Variants in WDR75 observed in about 807,000 individuals in gnomAD.
The protein encoded by WDR75 is WD repeat-containing protein 75.
WDR75 carries 52 observed loss-of-function variants against 106.1 expected under a neutral mutation model. The observed-to-expected ratio is 0.49, with a 90% confidence interval of 0.39 to 0.62. The LOEUF is 0.62. WDR75 is among the 20% of genes least tolerant of loss of function. WDR75 has a pLI of 0.00. For missense variants in WDR75, 905 were observed against 970.3 expected (o/e 0.93, Z 0.89); for synonymous variants, 333 against 335.5 (o/e 0.99, Z 0.08).
rs781445682 is a variant in WDR75, at chr2:189,467,633, G to A, written c.1613G>A (p.Arg538Gln). The A allele has an allele frequency of 6.3e-6, 10 of 1,597,008 alleles. No individual in the cohort carries two copies. The highest frequency in any genetic ancestry group is 3.4e-5 in the South Asian group (3 of 87,278). Residue 538 changes from arginine (R) to glutamine (Q), a missense_variant, in exon 14 of 21, where the codon CGA (arginine) becomes CAA (glutamine). Physicochemically the swap from Arg to Gln is conservative, Grantham distance 43. Coordinates refer to ENST00000314761, the MANE Select transcript of WDR75 (RefSeq NM_032168.3). ...GAACTTAAATGTACATTTTGCCAAC[G>A]AGCTGGGAAAATAAGGTAGGTAAAT... ...TWELKCTFCQ[R>Q]AGKIRHLCFG... is the part of the protein sequence containing the mutation.
chr2:189,464,928 A>G (rs1686969663), intron 11 of WDR75, 151 bp from the exon 12 acceptor site: 2 of 517,714 alleles, frequency 3.9e-6, no homozygotes, highest in African/African-American at 1.9e-5. Context: ...CATAGTAACA[A>G]TTAGTTCATT....
intron 2 of WDR75, chr2:189,449,942 TAAC>T: frequency 1.0e-6 from 1 of 984,734 alleles, no homozygotes; most frequent in Non-Finnish European, 1.2e-6. Flanking sequence ...TATTTTCCTA[TAAC>T]AACGACAACA....
At chr2:189,449,883 C>T in intron 2 of WDR75, 1 of 984,594 alleles carries the variant, frequency 1.0e-6, no homozygotes, top group Non-Finnish European at 1.2e-6. Flanking sequence ...CCTAAAATTG[C>T]CACTTTCTTT....
At chr2:189,448,248 C>A in intron 1 of WDR75, 131 bp from the exon 2 acceptor site, 2 of 983,164 alleles carry the variant, frequency 2.0e-6, no homozygotes, top group Non-Finnish European at 1.4e-6. Flanking sequence ...TTTTGGGAGG[C>A]CCAGGCAGGC....
Position 189,450,919 on chromosome 2 carries a change from T to C in WDR75, c.233T>C (p.Leu78Pro), listed in dbSNP as rs200268180. Residue 78 changes from leucine (L) to proline (P), a missense_variant, in exon 3 of 21, where the codon CTT becomes CCT. By Grantham distance (98) the Leu-to-Pro change is moderately conservative. Coordinates refer to ENST00000314761, the MANE Select transcript of WDR75 (RefSeq NM_032168.3). ...CCCTTTTAGCTGTATTCTTGTTCCCTTGATGGCACAATTAAACTGTGGGAC... is the reference window on the plus strand; with the variant it reads ...CCCTTTTAGCTGTATTCTTGTTCCCCTGATGGCACAATTAAACTGTGGGAC... Reference protein sequence around the residue: ...NNHLQLYSCSLDGTIKLWDYI... With the variant: ...NNHLQLYSCSPDGTIKLWDYI... The C allele has an allele frequency of 3.7e-6, 6 of 1,611,304 alleles. No homozygotes were observed. Among genetic ancestry groups the C allele is most frequent in the Non-Finnish European group, 5.1e-6 (6 of 1,179,344 alleles).
chr2:189,447,495 T>C (rs1262964920), intron 1 of WDR75, among the ~76,000 whole-genome samples: 2 of 152,154 alleles, frequency 1.3e-5, no homozygotes, highest in Non-Finnish European at 2.9e-5. Flanking sequence ...CAGTGAACCA[T>C]GGAGATGTTG....
chr2:189,465,052 G>A, intron 11 of WDR75, 27 bp from the exon 12 acceptor site: 2 of 1,478,706 alleles, frequency 1.4e-6, no homozygotes, highest in South Asian at 2.5e-5. Context: ...TAAACATTTT[G>A]GTTTTTTGGT....
intron 2 of WDR75, chr2:189,449,605 A>G: frequency 2.9e-6 from 3 of 1,040,912 alleles, no homozygotes; most frequent in Non-Finnish European, 3.5e-6. Flanking sequence ...AAATTAGAGA[A>G]GGGCAGTTTT....
chr2:189,467,049 C>G (rs1390086793), intron 13 of WDR75, among the ~76,000 whole-genome samples: 1 of 152,078 alleles, frequency 6.6e-6, no homozygotes, highest in South Asian at 2.1e-4. Flanking sequence ...TAATGTCCCT[C>G]ATTTAGCAGT....
intron 15 of WDR75, 23 bp from the exon 16 acceptor site, chr2:189,469,321 A>G: frequency 1.2e-5 from 19 of 1,574,648 alleles, no homozygotes; most frequent in Non-Finnish European, 1.7e-5. Context: ...TTAGAAGTGA[A>G]TCACCTTTGT....
intron 8 of WDR75, among the ~76,000 whole-genome samples, chr2:189,461,028 A>G (rs1025456732): frequency 1.3e-5 from 2 of 152,196 alleles, no homozygotes; most frequent in Non-Finnish European, 2.9e-5. Flanking sequence ...TGCACAATGT[A>G]TCATATATGT....
intron 7 of WDR75, 64 bp downstream of exon 7, chr2:189,458,936 CA>C (rs1362890664): frequency 4.0e-6 from 6 of 1,494,942 alleles, no homozygotes; most frequent in Non-Finnish European, 5.3e-6. Context: ...TCCTGTAGAA[CA>C]GGGCTATCTC....
intron 14 of WDR75, 106 bp from the exon 15 acceptor site, chr2:189,468,369 A>G (rs1050627727): frequency 1.7e-5 from 16 of 925,432 alleles, no homozygotes; most frequent in East Asian, 1.3e-4. Context: ...ATATATGTCT[A>G]TATAAAAATC....
At chr2:189,472,167 C>A (rs1288845409) in intron 18 of WDR75, among the ~76,000 whole-genome samples, 7 of 152,044 alleles carry the variant, frequency 4.6e-5, no homozygotes, top group Non-Finnish European at 8.8e-5. Context: ...TCACAGTCCA[C>A]CAGAAGATAG....
At chr2:189,453,988 C>G (rs1397285744) in intron 4 of WDR75, among the ~76,000 whole-genome samples, 1 of 152,028 alleles carries the variant, frequency 6.6e-6, no homozygotes, top group Admixed American at 6.6e-5. Context: ...AATTGAGCAC[C>G]CACCGTGTGC....
At chr2:189,464,007 A>G in intron 11 of WDR75, 46 bp downstream of exon 11, 1 of 1,521,816 alleles carries the variant, frequency 6.6e-7, no homozygotes, top group Non-Finnish European at 9.1e-7. Context: ...AGCTCTTTAC[A>G]GTACCACTGG....
intron 14 of WDR75, among the ~76,000 whole-genome samples, chr2:189,468,174 A>G (rs763345119): frequency 7.2e-5 from 11 of 152,094 alleles, no homozygotes; most frequent in Non-Finnish European, 1.6e-4. Context: ...TTCTTGGTAA[A>G]TAGGATTTTT....
rs151295691 is a variant in WDR75 at position 189,443,028 on chromosome 2, T to G, written c.86+1450T>G. ...TTGATTTGCTAAGCCCAACAATTCA[T>G]TTTTTAAGTACTTGTCAACTATATA... On this transcript the variant is annotated intron_variant, in intron 1 of 20. Transcript: ENST00000314761. Among the ~76,000 whole-genome samples the G allele has an allele frequency of 6.6e-5, 10 of 152,332 alleles. No individual in the cohort carries two copies. In the East Asian group the frequency reaches 1.9e-3, roughly 29 times the overall value.
intron 2 of WDR75, chr2:189,449,914 T>C: frequency 1.0e-6 from 1 of 983,650 alleles, no homozygotes; most frequent in South Asian, 4.7e-5. Flanking sequence ...AAATTCTTTG[T>C]AAACATTATA....
Sources: gnomAD v4.1 joint callset for allele counts (sites outside exome capture counted in the v4.1 genomes callset) on GRCh38, gnomAD v4.1.1 for gene constraint, MANE v1.5 for transcripts, NCBI Gene and HGNC (gene_info 2026-07-23, HGNC 2026-07-21) for gene names.